The following BMPER variants were observed in gnomAD, a reference collection of about 807,000 sequenced individuals.
BMPER encodes BMP-binding endothelial regulator protein.
Under a neutral mutation model 87.3 loss-of-function variants are expected in BMPER, and 45 were observed. The ratio of observed to expected loss-of-function variants is 0.52; its 90% CI spans 0.41 to 0.66. BMPER has a LOEUF of 0.66. Among genes scored for constraint, BMPER ranks in the 30% least tolerant of loss-of-function variants. The pLI is 0.00. For synonymous variants in BMPER, 326 were observed against 316.2 expected, an observed-to-expected ratio of 1.03 and a Z score of -0.33; for missense variants, 784 against 867.5, an observed-to-expected ratio of 0.90 and a Z score of 1.21.
At chr7:33,967,848 C>G (rs1393402307) in intron 4 of BMPER, among the ~76,000 whole-genome samples, 1 of 152,182 alleles carries the variant, frequency 6.6e-6, no homozygotes, top group Non-Finnish European at 1.5e-5. Flanking sequence ...TGGAGTCTAG[C>G]ATAGTATTCC....
intron 6 of BMPER, among the ~76,000 whole-genome samples, chr7:34,033,308 A>G (rs577026259): frequency 6.6e-6 from 1 of 152,314 alleles, no homozygotes; most frequent in South Asian, 2.1e-4. Flanking sequence ...CACATCAAAA[A>G]TATGTTCAGC....
chr7:34,140,272 C>T (rs557106101), intron 13 of BMPER, among the ~76,000 whole-genome samples: 1 of 152,340 alleles, frequency 6.6e-6, no homozygotes, highest in South Asian at 2.1e-4. Flanking sequence ...TTTCACACCA[C>T]TGCCAGCGGG....
chr7:33,930,247 C>A (rs1486487824), intron 2 of BMPER, among the ~76,000 whole-genome samples: 1 of 151,992 alleles, frequency 6.6e-6, no homozygotes, highest in African/African-American at 2.4e-5. Flanking sequence ...TGACCCAGAG[C>A]CTTGGACTTG....
intron 13 of BMPER, among the ~76,000 whole-genome samples, chr7:34,096,944 G>T (rs1267807136): frequency 6.6e-6 from 1 of 152,208 alleles, no homozygotes; most frequent in Non-Finnish European, 1.5e-5. Flanking sequence ...CAAGGTGCTG[G>T]AATTCTAAAG....
At chr7:34,106,470 T>G (rs1789821145) in intron 13 of BMPER, among the ~76,000 whole-genome samples, 1 of 152,234 alleles carries the variant, frequency 6.6e-6, no homozygotes, top group African/African-American at 2.4e-5. Context: ...CATGGTGCCC[T>G]GCATGTAGAC....
intron 13 of BMPER, among the ~76,000 whole-genome samples, chr7:34,120,741 A>G (rs1456142049): frequency 1.3e-5 from 2 of 152,126 alleles, no homozygotes; most frequent in African/African-American, 4.8e-5. Context: ...GATATAGCTT[A>G]TTGTCTGTGA....
chr7:34,078,461 G>A (rs547437279), intron 11 of BMPER, among the ~76,000 whole-genome samples: 1 of 152,224 alleles, frequency 6.6e-6, no homozygotes, highest in Admixed American at 6.5e-5. Flanking sequence ...TAATGTCTTG[G>A]TGTATTGACA....
At chr7:34,029,611 A>G (rs997434089) in intron 6 of BMPER, among the ~76,000 whole-genome samples, 3 of 152,110 alleles carry the variant, frequency 2.0e-5, no homozygotes, top group Non-Finnish European at 4.4e-5. Context: ...GGGGTAAACA[A>G]GCTTTTTCTT....
At position 34,102,697 on chromosome 7, in the gene BMPER, A is replaced by G. The variant is rs991030697; in HGVS notation, c.1745+16605A>G. Among the ~76,000 whole-genome samples the G allele has an allele frequency of 2.0e-5, 3 of 152,272 alleles. 1 individual carries two copies. The highest frequency in any genetic ancestry group is 4.4e-5 in the Non-Finnish European group (3 of 68,030). ...TTATTTAACCACAGCTCCTGCCAAT[A>G]TGAGAGGAGTGACCTCTTTGCACCA... is the stretch of plus-strand genomic sequence containing the variant. On this transcript the variant is annotated intron_variant, in intron 13 of 14. Coordinates refer to ENST00000649409, the MANE Select transcript of BMPER (RefSeq NM_001365308.1).
At chr7:34,104,074 TG>T (rs1435807157) in intron 13 of BMPER, among the ~76,000 whole-genome samples, 1 of 152,266 alleles carries the variant, frequency 6.6e-6, no homozygotes, top group Non-Finnish European at 1.5e-5. Context: ...TGCTTTCCAC[TG>T]GACATGCCTT....
intron 12 of BMPER, among the ~76,000 whole-genome samples, chr7:34,083,197 G>C (rs1362880187): frequency 6.6e-6 from 1 of 152,118 alleles, no homozygotes; most frequent in Non-Finnish European, 1.5e-5. Flanking sequence ...TGGATGATAG[G>C]GTGTGAAGAA....
intron 3 of BMPER, among the ~76,000 whole-genome samples, chr7:33,951,865 G>A (rs1029079245): frequency 1.3e-5 from 2 of 152,202 alleles, no homozygotes; most frequent in African/African-American, 2.4e-5. Flanking sequence ...AGTTGAGTGA[G>A]AGTGATAGGG....
At chr7:33,957,458 G>A (rs1320994552) in intron 3 of BMPER, among the ~76,000 whole-genome samples, 2 of 151,606 alleles carry the variant, frequency 1.3e-5, no homozygotes, top group Non-Finnish European at 2.9e-5. Context: ...GAAGCAAGAA[G>A]CAAACTGAGT....
intron 13 of BMPER, among the ~76,000 whole-genome samples, chr7:34,093,625 T>G (rs911801112): frequency 1.3e-5 from 2 of 152,170 alleles, no homozygotes. Context: ...CCTTCCTAGG[T>G]CAAGGTTAAA....
At chr7:33,911,073 T>C (rs1343312124) in intron 2 of BMPER, among the ~76,000 whole-genome samples, 1 of 152,210 alleles carries the variant, frequency 6.6e-6, no homozygotes, top group Non-Finnish European at 1.5e-5. Flanking sequence ...TATGCACAAA[T>C]ACATAGATTG....
chr7:34,153,026 T>A (rs969886964), intron 14 of BMPER, 66 bp from the exon 15 acceptor site: 1 of 1,583,276 alleles, frequency 6.3e-7, no homozygotes, highest in African/African-American at 1.3e-5. Context: ...AAGAACGGCA[T>A]CTGGCTGAGG....
chr7:33,907,511 G>A (rs2128600512), intron 2 of BMPER, among the ~76,000 whole-genome samples: 1 of 152,258 alleles, frequency 6.6e-6, no homozygotes, highest in Non-Finnish European at 1.5e-5. Flanking sequence ...GCTGTCAGCT[G>A]CTTAGTTAAC....
intron 13 of BMPER, among the ~76,000 whole-genome samples, chr7:34,090,818 C>T (rs1789359299): frequency 6.6e-6 from 1 of 152,322 alleles, no homozygotes; most frequent in African/African-American, 2.4e-5. Context: ...TTAGAGACCA[C>T]AATCATCTCA....
At chr7:33,925,437 T>A (rs1784335115) in intron 2 of BMPER, among the ~76,000 whole-genome samples, 1 of 152,186 alleles carries the variant, frequency 6.6e-6, no homozygotes, top group South Asian at 2.1e-4. Context: ...AATGTAATCA[T>A]AACAAACTGT....
Sources: allele counts gnomAD v4.1 joint callset (sites outside exome capture counted in the v4.1 genomes callset), GRCh38; gene constraint gnomAD v4.1.1; transcripts MANE v1.5; gene names NCBI Gene and HGNC (gene_info 2026-07-23, HGNC 2026-07-21).